The following TIAM2 variants were observed in gnomAD, a reference collection of about 807,000 sequenced individuals.
TIAM2 encodes rho guanine nucleotide exchange factor TIAM2.
Under a neutral mutation model 152.9 loss-of-function variants are expected in TIAM2, and 80 were observed. The observed-to-expected ratio is 0.52, with a 90% CI of 0.44 to 0.63. TIAM2 has a LOEUF of 0.63. Ranked by LOEUF, TIAM2 falls within the 30% of genes least tolerant of loss-of-function variation. The pLI, the probability that TIAM2 is intolerant of heterozygous loss-of-function variation, is 0.00. For missense variants in TIAM2, 1,965 were observed against 2,120.1 expected, an observed-to-expected ratio of 0.93 and a Z score of 1.44; for synonymous variants, 804 against 838.0, an observed-to-expected ratio of 0.96 and a Z score of 0.70.
intron 14 of TIAM2, among the ~76,000 whole-genome samples, chr6:155,207,669 G>A (rs1262205651): frequency 6.6e-6 from 1 of 152,158 alleles, no homozygotes; most frequent in African/African-American, 2.4e-5. Context: ...TTGAAGTTAA[G>A]GGGCTCTAGG....
chr6:155,155,497 C>T (rs1316163384), intron 7 of TIAM2, among the ~76,000 whole-genome samples: 7 of 152,078 alleles, frequency 4.6e-5, no homozygotes, highest in South Asian at 4.2e-4. Flanking sequence ...TTTTTTGAAA[C>T]GGAGTCTTTC....
intron 15 of TIAM2, among the ~76,000 whole-genome samples, chr6:155,212,033 C>A (rs1306639763): frequency 6.6e-6 from 1 of 152,204 alleles, no homozygotes; most frequent in African/African-American, 2.4e-5. Context: ...CAGGTTGTGG[C>A]ATGTGTCAGA....
chr6:155,029,915 C>T (rs1417518799), intron 1 of TIAM2, among the ~76,000 whole-genome samples: 1 of 151,796 alleles, frequency 6.6e-6, no homozygotes, highest in East Asian at 1.9e-4. Context: ...GTCTCAGCCT[C>T]CCAAGTAGCT....
chr6:155,160,771 A>AG (rs1780248368), intron 7 of TIAM2, among the ~76,000 whole-genome samples: 1 of 116,548 alleles, frequency 8.6e-6, no homozygotes, highest in Non-Finnish European at 2.0e-5. Context: ...CAAAACAAAA[A>AG]CAAAAACAAA....
chr6:155,100,046 C>G (rs1778520432), intron 2 of TIAM2, among the ~76,000 whole-genome samples: 1 of 128,210 alleles, frequency 7.8e-6, no homozygotes, highest in Non-Finnish European at 1.8e-5. Context: ...TATATGCAGT[C>G]TGTCGTCGGC....
At chr6:155,101,859 G>T (rs557217498) in intron 2 of TIAM2, among the ~76,000 whole-genome samples, 1 of 152,094 alleles carries the variant, frequency 6.6e-6, no homozygotes, top group African/African-American at 2.4e-5. Flanking sequence ...ACACTGCCAC[G>T]CCTGGCTATT....
Position 155,120,516 on chromosome 6 carries a change from A to T in TIAM2, c.-117-6974A>T, listed in dbSNP as rs2115022402. 2.0e-5 allele frequency among the ~76,000 whole-genome samples: 3 copies of T among 152,330 alleles called. No individual in the cohort carries two copies. In the Middle Eastern group the frequency reaches 0.01, roughly 522 times the overall value. On this transcript the variant is annotated intron_variant, in intron 2 of 26. Coordinates refer to ENST00000682666, the MANE Select transcript of TIAM2 (RefSeq NM_012454.4). The stretch of plus-strand genomic sequence containing the variant: ...AATTCATGCATTCTGAGTGTAGTTC[A>T]TTGACTCAGGATGAGAGAAACAGAT...
intron 1 of TIAM2, among the ~76,000 whole-genome samples, chr6:155,053,466 C>CTTTTTTTTT (rs11401916): frequency 7.9e-6 from 1 of 127,306 alleles, no homozygotes; most frequent in Non-Finnish European, 1.6e-5. Context: ...ATTCTTGCAG[C>CTTTTTTTTT]TTTTTTTTTT....
At chr6:155,015,370 G>C (rs1778555205) in intron 1 of TIAM2, among the ~76,000 whole-genome samples, 2 of 152,132 alleles carry the variant, frequency 1.3e-5, no homozygotes, top group Non-Finnish European at 2.9e-5. Context: ...CTCGTGAGCA[G>C]TTAGAAATCT....
At chr6:155,243,846 CAAAAAAAAAAAAAAA>C (rs59365890) in intron 16 of TIAM2, among the ~76,000 whole-genome samples, 150 bp from the exon 17 acceptor site, 6 of 55,026 alleles carry the variant, frequency 1.1e-4, no homozygotes, top group South Asian at 1.1e-3. Flanking sequence ...GACTCCGTCT[CAAAAAAAAAAAAAAA>C]AAAAAAAAAA....
chr6:154,996,053 G>A (rs1778206587), intron 1 of TIAM2, among the ~76,000 whole-genome samples: 1 of 152,064 alleles, frequency 6.6e-6, no homozygotes, highest in Non-Finnish European at 1.5e-5. Flanking sequence ...GAGCCATCCC[G>A]GACGGGCGCG....
At chr6:155,035,458 C>T (rs9397768) in intron 1 of TIAM2, among the ~76,000 whole-genome samples, 2 of 152,218 alleles carry the variant, frequency 1.3e-5, no homozygotes, top group South Asian at 4.2e-4. Context: ...TGACCTCAGA[C>T]GATCCACCCG....
At chr6:155,242,393 C>A (rs1033054073) in intron 16 of TIAM2, among the ~76,000 whole-genome samples, 1 of 152,206 alleles carries the variant, frequency 6.6e-6, no homozygotes, top group African/African-American at 2.4e-5. Flanking sequence ...AAATTTTTGA[C>A]ATCTATGTGT....
At position 155,129,967 on chromosome 6, in the gene TIAM2, C is replaced by G; in HGVS notation, c.744C>G (p.Ser248=). 1 of 1,614,116 alleles carries G rather than the reference C, an allele frequency of 6.2e-7. No homozygotes were observed. The change falls in exon 4 of 27, where the codon TCC becomes TCG. Residue 248 remains serine (S), a synonymous_variant. Coordinates refer to ENST00000682666, the MANE Select transcript of TIAM2 (RefSeq NM_012454.4). The surrounding 1 kb of genome is among the most constrained non-coding windows in gnomAD (Gnocchi z 4.8). ...GCAGCTCCCTGAGTTCTGAGTCATCCTGGTACGACTCCCCTTGGGGCAATG... is the reference window on the plus strand; with the variant it reads ...GCAGCTCCCTGAGTTCTGAGTCATCGTGGTACGACTCCCCTTGGGGCAATG... ...SKGSSLSSES[S]WYDSPWGNAG...
intron 1 of TIAM2, among the ~76,000 whole-genome samples, chr6:155,048,767 A>G (rs1291975834): frequency 6.6e-6 from 1 of 151,886 alleles, no homozygotes; most frequent in African/African-American, 2.4e-5. Context: ...ATGTTTGAAC[A>G]GAAGGAGATC....
chr6:155,042,074 C>T (rs1009511839), intron 1 of TIAM2, among the ~76,000 whole-genome samples: 1 of 151,742 alleles, frequency 6.6e-6, no homozygotes, highest in Non-Finnish European at 1.5e-5. Context: ...GAGAGGAAAG[C>T]CTTTTCCTGT....
At chr6:155,033,469 T>C (rs1357185592) in intron 1 of TIAM2, among the ~76,000 whole-genome samples, 2 of 152,170 alleles carry the variant, frequency 1.3e-5, no homozygotes, top group Non-Finnish European at 2.9e-5. Context: ...ACTTTGGCTC[T>C]GAAATTTAGA....
chr6:155,153,087 A>G (rs967635904), intron 7 of TIAM2, among the ~76,000 whole-genome samples: 1 of 152,158 alleles, frequency 6.6e-6, no homozygotes, highest in Non-Finnish European at 1.5e-5. Context: ...TCCATTATCC[A>G]TTCTTTGACA....
intron 2 of TIAM2, among the ~76,000 whole-genome samples, chr6:155,109,946 CTTTTTTT>C (rs72211101): frequency 7.2e-6 from 1 of 138,864 alleles, no homozygotes; most frequent in East Asian, 2.2e-4. Context: ...AATGCACAGA[CTTTTTTT>C]TTTTTTTTTT....
Sources: gnomAD v4.1 joint callset for allele counts (sites outside exome capture counted in the v4.1 genomes callset) on GRCh38, gnomAD v4.1.1 for gene constraint, Gnocchi (gnomAD v3.1) non-coding constraint, MANE v1.5 for transcripts, NCBI Gene and HGNC (gene_info 2026-07-23, HGNC 2026-07-21) for gene names.